FREM2: variants seen among roughly 807,000 people sequenced by gnomAD.
FREM2 encodes FRAS1 related extracellular matrix 2.
A neutral mutation model predicts 219.9 loss-of-function variants in FREM2; 119 were observed. The ratio of observed to expected loss-of-function variants is 0.54; its 90% CI spans 0.47 to 0.63. FREM2 has a LOEUF of 0.63. FREM2 is among the 30% of genes least tolerant of loss of function. FREM2 has a pLI of 0.00. For synonymous variants in FREM2, 1,562 were observed against 1,522.8 expected (o/e 1.03, Z -0.60); for missense variants, 4,030 against 3,993.6 (o/e 1.01, Z -0.25).
rs187754487 is a variant in FREM2, at chr13:38,880,384, C to T, written c.9107C>T (p.Ser3036Phe). Residue 3036 changes from serine (S) to phenylalanine (F), a missense_variant, in exon 24 of 24, where the codon TCT (serine) becomes TTT (phenylalanine). This residue lies in a region of FREM2 where 928 missense variants were observed against 1,042.9 expected (regional missense o/e 0.89). Coordinates refer to ENST00000280481, the MANE Select transcript of FREM2 (RefSeq NM_207361.6). ...GIGKRSVEYH[S>F]LVSQGKPQST... ...GGCAAAAGAAGTGTGGAGTACCATT[C>T]TCTGGTGAGTCAAGGAAAGCCCCAA... 3 of 1,614,094 alleles carry T rather than the reference C, an allele frequency of 1.9e-6. No homozygotes were observed. The highest frequency in any genetic ancestry group is 2.2e-5 in the East Asian group (1 of 44,872).
chr13:38,866,266 G>A (rs533876102), intron 16 of FREM2, among the ~76,000 whole-genome samples: 5 of 151,968 alleles, frequency 3.3e-5, no homozygotes, highest in East Asian at 1.9e-4. Context: ...AGGCCGAGGC[G>A]GGCAGATCAC....
At chr13:38,733,765 C>T (rs955944196) in intron 2 of FREM2, among the ~76,000 whole-genome samples, 1 of 152,130 alleles carries the variant, frequency 6.6e-6, no homozygotes, top group African/African-American at 2.4e-5. Flanking sequence ...GCCTTGGCCT[C>T]CCAAAGTGCT....
Position 38,691,771 on chromosome 13 carries a change from G to C in FREM2, c.4427G>C (p.Gly1476Ala), listed in dbSNP as rs762165617. Reference protein sequence around the residue: ...RGHLECTDQPGVSITSFTQLQ... With the variant: ...RGHLECTDQPAVSITSFTQLQ... ...CACCTGGAATGCACGGATCAGCCTG[G>C]TGTGTCCATCACGTCTTTCACTCAG... Residue 1476 changes from glycine (G) to alanine (A), a missense_variant, in exon 1 of 24, where the codon GGT becomes GCT. Coordinates refer to ENST00000280481, the MANE Select transcript of FREM2 (RefSeq NM_207361.6). 1.2e-6 allele frequency: 2 copies of C among 1,614,162 alleles called. No homozygotes were observed. The highest frequency in any genetic ancestry group is 2.2e-5 in the South Asian group (2 of 91,086).
chr13:38,697,404 A>G (rs914815506), intron 1 of FREM2, among the ~76,000 whole-genome samples: 7 of 152,126 alleles, frequency 4.6e-5, no homozygotes, highest in Admixed American at 1.3e-4. Context: ...CCATATTTAG[A>G]CAGTCATTCC....
rs578135859 is a variant in FREM2 at position 38,694,449 on chromosome 13, T to G, written c.5173+1932T>G. 7.5e-4 allele frequency among the ~76,000 whole-genome samples: 114 copies of G among 152,338 alleles called. 1 individual carries two copies. The highest frequency in any genetic ancestry group is 2.6e-3 in the African/African-American group (108 of 41,566). On this transcript the variant is annotated intron_variant, in intron 1 of 23. Coordinates refer to ENST00000280481, the MANE Select transcript of FREM2 (RefSeq NM_207361.6). ...TATTTATGGAGATTAGATAAGTGAT[T>G]TAAAAAACGGAGAAAGCGCCATCAG...
At chr13:38,727,728 A>G (rs1346943282) in intron 2 of FREM2, among the ~76,000 whole-genome samples, 4 of 152,214 alleles carry the variant, frequency 2.6e-5, no homozygotes, top group African/African-American at 9.6e-5. Flanking sequence ...AAGTGTTGCC[A>G]TCTCCTCATG....
chr13:38,767,794 T>G (rs77981701), intron 3 of FREM2, among the ~76,000 whole-genome samples: 1,860 of 152,360 alleles, frequency 0.012, 41 homozygotes, highest in African/African-American at 0.043. Flanking sequence ...AATTCCTGGT[T>G]CTGTGCCCTT....
chr13:38,766,254 T>C (rs1873430226), intron 3 of FREM2, among the ~76,000 whole-genome samples: 2 of 152,166 alleles, frequency 1.3e-5, no homozygotes, highest in South Asian at 4.1e-4. Flanking sequence ...TGCCAAAATG[T>C]CAAACAAGAG....
chr13:38,877,282 T>C (rs1340353479), intron 21 of FREM2, 39 bp downstream of exon 21: 1 of 1,609,440 alleles, frequency 6.2e-7, no homozygotes, highest in Non-Finnish European at 8.5e-7. Context: ...CTGTTTGTCA[T>C]GTATATCTTT....
chr13:38,807,507 A>AT (rs142862444), intron 6 of FREM2, among the ~76,000 whole-genome samples: 7,305 of 151,644 alleles, frequency 0.048, 256 homozygotes, highest in Non-Finnish European at 0.073. Flanking sequence ...TACAAAATGT[A>AT]TTTTTTAAAT....
intron 6 of FREM2, among the ~76,000 whole-genome samples, chr13:38,820,112 T>G (rs987942795): frequency 6.6e-6 from 1 of 152,164 alleles, no homozygotes; most frequent in African/African-American, 2.4e-5. Context: ...ATAACTCCCC[T>G]TGGATCTTTA....
chr13:38,837,425 G>A (rs533104088), intron 6 of FREM2, among the ~76,000 whole-genome samples: 2 of 152,230 alleles, frequency 1.3e-5, no homozygotes, highest in South Asian at 2.1e-4. Flanking sequence ...TTTTGATTTG[G>A]GATGGAGAGT....
intron 16 of FREM2, among the ~76,000 whole-genome samples, chr13:38,865,007 C>G (rs530311827): frequency 1.1e-3 from 170 of 152,200 alleles, no homozygotes; most frequent in African/African-American, 4.0e-3. Context: ...TTTTACAATC[C>G]TGGGAGTCAG....
intron 4 of FREM2, among the ~76,000 whole-genome samples, chr13:38,781,080 C>T (rs955337839): frequency 1.3e-5 from 2 of 152,108 alleles, no homozygotes; most frequent in African/African-American, 4.8e-5. Flanking sequence ...TCCAATAGTC[C>T]TGAAGGGCTC....
chr13:38,864,730 C>G (rs1877896870), intron 16 of FREM2, 124 bp downstream of exon 16: 1 of 835,344 alleles, frequency 1.2e-6, no homozygotes, highest in Non-Finnish European at 2.0e-6. Flanking sequence ...TTATTGACAG[C>G]AAGGGACCAG....
At chr13:38,711,927 T>C (rs1424714401) in intron 2 of FREM2, among the ~76,000 whole-genome samples, 3 of 148,568 alleles carry the variant, frequency 2.0e-5, no homozygotes, top group East Asian at 1.9e-4. Flanking sequence ...TTTTTTTTTT[T>C]TTTTTTTTTT....
intron 11 of FREM2, among the ~76,000 whole-genome samples, chr13:38,855,570 G>T (rs1042076290): frequency 6.6e-6 from 1 of 152,130 alleles, no homozygotes; most frequent in Non-Finnish European, 1.5e-5. Context: ...GATAAAATCG[G>T]CATTCCTAGC....
chr13:38,755,920 G>A (rs1364256293), intron 2 of FREM2, among the ~76,000 whole-genome samples: 1 of 152,124 alleles, frequency 6.6e-6, no homozygotes, highest in East Asian at 1.9e-4. Context: ...AGGTAACCAT[G>A]CGGGAGCCAG....
At chr13:38,728,154 C>A (rs1044221630) in intron 2 of FREM2, among the ~76,000 whole-genome samples, 2 of 151,862 alleles carry the variant, frequency 1.3e-5, no homozygotes, top group African/African-American at 4.8e-5. Flanking sequence ...GCACCCAACA[C>A]CAATATCATA....
Sources: allele counts gnomAD v4.1 joint callset (sites outside exome capture counted in the v4.1 genomes callset), GRCh38; gene constraint gnomAD v4.1.1; regional missense constraint gnomAD v4.1.1; transcripts MANE v1.5; gene names NCBI Gene and HGNC (gene_info 2026-07-23, HGNC 2026-07-21).